Variants in PRDM14 observed in about 807,000 individuals in gnomAD.
The protein encoded by PRDM14 is PR/SET domain 14, also known as PR domain zinc finger protein 14.
A neutral mutation model predicts 48.0 loss-of-function variants in PRDM14; 16 were observed. That is an observed-to-expected ratio of 0.33 (90% confidence interval 0.23 to 0.51). PRDM14 has a LOEUF of 0.51. Among genes scored for constraint, PRDM14 ranks in the 20% least tolerant of loss-of-function variants. PRDM14 has a pLI of 0.97. For synonymous variants in PRDM14, 264 were observed against 276.6 expected (o/e 0.95, Z 0.45); for missense variants, 566 against 719.6 (o/e 0.79, Z 2.44).
chr8:70,069,072 T>G (rs1461417182), intron 2 of PRDM14, 89 bp downstream of exon 2: 38 of 1,058,818 alleles, frequency 3.6e-5, no homozygotes, highest in Non-Finnish European at 5.1e-5. Flanking sequence ...CAGCCTCAGC[T>G]CCACCTGGAA....
chr8:70,056,634 A>G (rs1805476709), intron 6 of PRDM14, among the ~76,000 whole-genome samples: 1 of 151,906 alleles, frequency 6.6e-6, no homozygotes. Flanking sequence ...GGTGCGCACC[A>G]CATGCCCATC....
chr8:70,061,387 C>T (rs1195549545), intron 5 of PRDM14, among the ~76,000 whole-genome samples: 7 of 152,198 alleles, frequency 4.6e-5, no homozygotes, highest in Non-Finnish European at 1.0e-4. Flanking sequence ...AGCTGTCCAT[C>T]AGGGGCTTTG....
intron 5 of PRDM14, among the ~76,000 whole-genome samples, chr8:70,065,377 T>C (rs988686257): frequency 2.6e-5 from 4 of 152,138 alleles, no homozygotes; most frequent in African/African-American, 9.7e-5. Flanking sequence ...TAAACTTCAG[T>C]GTATATAGAA....
At chr8:70,065,169 A>G (rs1038787668) in intron 5 of PRDM14, among the ~76,000 whole-genome samples, 2 of 152,052 alleles carry the variant, frequency 1.3e-5, no homozygotes, top group Non-Finnish European at 2.9e-5. Context: ...TAGAGGCGTG[A>G]GCCACTGTGC....
chr8:70,052,751 G>A (rs1805408000), intron 7 of PRDM14, among the ~76,000 whole-genome samples: 2 of 150,644 alleles, frequency 1.3e-5, no homozygotes, highest in South Asian at 2.1e-4. Context: ...TTTAATCCCA[G>A]CTTCTCAGGA....
intron 4 of PRDM14, among the ~76,000 whole-genome samples, chr8:70,067,645 A>G (rs187140756): frequency 6.8e-4 from 104 of 152,274 alleles, no homozygotes; most frequent in African/African-American, 2.4e-3. Context: ...ACATAGCCTC[A>G]ATTTCAGATT....
In PRDM14 at chr8:70,069,542, C is replaced by A; in HGVS notation, c.319G>T (p.Val107Phe). The change falls in exon 2 of 8, where the codon GTC (valine) becomes TTC (phenylalanine). Residue 107 changes from valine (V) to phenylalanine (F), a missense_variant. Val to Phe is a conservative substitution (Grantham distance 50). Transcript: ENST00000276594. ...AGGAAGGGCGGCACTTCCCTGGGGA[C>A]GTGGGGAATTGGGTACCACGGTGGC... ...KLPPWYPIPH[V>F]PREVPPFLSS... The A allele has an allele frequency of 6.2e-7, 1 of 1,608,388 alleles. No homozygotes were observed. The highest frequency in any genetic ancestry group is 1.3e-5 in the African/African-American group (1 of 74,934).
At chr8:70,053,478 C>T (rs1805422048) in intron 7 of PRDM14, among the ~76,000 whole-genome samples, 1 of 152,238 alleles carries the variant, frequency 6.6e-6, no homozygotes. Context: ...GCAACCTCCA[C>T]CTCCCAGGTT....
At chr8:70,064,939 T>C (rs918978516) in intron 5 of PRDM14, among the ~76,000 whole-genome samples, 1 of 150,754 alleles carries the variant, frequency 6.6e-6, no homozygotes, top group Non-Finnish European at 1.5e-5. Flanking sequence ...CAGGCTGGAG[T>C]GCAGTGGTGC....
rs116118580 is a variant in PRDM14 at position 70,058,044 on chromosome 8, T to C, written c.1386+596A>G. On this transcript the variant is annotated intron_variant, in intron 6 of 7. Coordinates refer to ENST00000276594, the MANE Select transcript of PRDM14 (RefSeq NM_024504.4). Reference sequence around the variant, plus strand: ...CCTTTTAATTAAGCCCAAGGGAATATTGTACTTTTTTGCAGCAAGCCTAGC... The same window carrying C: ...CCTTTTAATTAAGCCCAAGGGAATACTGTACTTTTTTGCAGCAAGCCTAGC... 7.7e-3 allele frequency among the ~76,000 whole-genome samples: 1,175 copies of C among 152,266 alleles called. 19 individuals are homozygous for C. The highest frequency in any genetic ancestry group is 0.027 in the African/African-American group (1,135 of 41,548).
intron 5 of PRDM14, among the ~76,000 whole-genome samples, chr8:70,060,141 C>T (rs1004768987): frequency 1.3e-5 from 2 of 151,326 alleles, no homozygotes; most frequent in African/African-American, 4.9e-5. Context: ...TGGCTCACGC[C>T]TATAATCCCA....
At chr8:70,053,464 C>T (rs1055235778) in intron 7 of PRDM14, among the ~76,000 whole-genome samples, 3 of 152,132 alleles carry the variant, frequency 2.0e-5, no homozygotes, top group Non-Finnish European at 1.5e-5. Flanking sequence ...AATCTTGGCT[C>T]ACTGCAACCT....
Position 70,069,263 on chromosome 8 carries a change from C to G in PRDM14, c.598G>C (p.Glu200Gln). ...CCGTACAGAACGAAGTGCAGGTCCT[C>G]CTCCGTGAACTGGAACCGAGCAGGG... ...KSPARFQFTE[E>Q]DLHFVLYGVT... is the part of the protein sequence containing the mutation. The change falls in exon 2 of 8, where the codon GAG (glutamate) becomes CAG (glutamine). Residue 200 changes from glutamate (E) to glutamine (Q), a missense_variant. Glu to Gln is a conservative substitution (Grantham distance 29). This residue lies in a region of PRDM14 where 410 missense variants were observed against 424.6 expected (regional missense o/e 0.97). Transcript: ENST00000276594. 1 of 1,609,794 alleles carries G rather than the reference C, an allele frequency of 6.2e-7. No homozygotes were observed. The highest frequency in any genetic ancestry group is 8.5e-7 in the Non-Finnish European group (1 of 1,177,806).
intron 4 of PRDM14, among the ~76,000 whole-genome samples, chr8:70,067,534 A>AAAC (rs1805690523): frequency 6.8e-6 from 1 of 146,194 alleles, no homozygotes; most frequent in African/African-American, 2.8e-5. Context: ...AAAAAAACAA[A>AAAC]AAAAAAAAAA....
chr8:70,069,897 G>A lies in PRDM14; in HGVS notation c.-24-13C>T, dbSNP rs1389122033. The A allele has an allele frequency of 1.3e-6, 2 of 1,499,222 alleles. No individual in the cohort carries two copies. The highest frequency in any genetic ancestry group is 1.8e-6 in the Non-Finnish European group (2 of 1,115,770). 92.9% of individuals were successfully genotyped at this position (1,499,222 alleles called of 1,614,324 possible). ...ACGCTCGGCGGCTCTGCAGAAAAGC[G>A]GGCGCCGCTGAGGACACCGCGCGGG... is the stretch of plus-strand genomic sequence containing the variant. On this transcript the variant is annotated splice_polypyrimidine_tract_variant and intron_variant, in intron 1 of 7. Transcript: ENST00000276594.
At chr8:70,070,525 C>T (rs1355733828) in intron 1 of PRDM14, among the ~76,000 whole-genome samples, 1 of 152,202 alleles carries the variant, frequency 6.6e-6, no homozygotes. Context: ...CCCCGCGGGT[C>T]CTGGCGGTCC....
At chr8:70,057,294 ATCT>A (rs139692506) in intron 6 of PRDM14, among the ~76,000 whole-genome samples, 24,535 of 145,572 alleles carry the variant, frequency 0.17, 2,106 homozygotes, top group Middle Eastern at 0.24. Context: ...CATTCTATAC[ATCT>A]TCTGTAATTT....
chr8:70,061,921 C>G (rs1484597915), intron 5 of PRDM14, among the ~76,000 whole-genome samples: 3 of 152,150 alleles, frequency 2.0e-5, no homozygotes, highest in African/African-American at 7.2e-5. Flanking sequence ...AGTCTAGACC[C>G]TTCCCTCACC....
chr8:70,064,559 C>T lies in PRDM14; in HGVS notation c.1183+1676G>A, dbSNP rs184712761. ...TTTTTTTTTGAAACGGAATCTCGCTCTGTCGCCCAGGCTGGTGTGCAGTGG... is the reference window on the plus strand; with the variant it reads ...TTTTTTTTTGAAACGGAATCTCGCTTTGTCGCCCAGGCTGGTGTGCAGTGG... On this transcript the variant is annotated intron_variant, in intron 5 of 7. Transcript: ENST00000276594. Among the ~76,000 whole-genome samples, 34 of 147,574 alleles carry T rather than the reference C, an allele frequency of 2.3e-4. 1 individual carries two copies. In the East Asian group the frequency reaches 5.9e-3, roughly 26 times the overall value.
Sources: gnomAD v4.1 joint callset for allele counts (sites outside exome capture counted in the v4.1 genomes callset) on GRCh38, gnomAD v4.1.1 for gene constraint, gnomAD v4.1.1 regional missense constraint, MANE v1.5 for transcripts, NCBI Gene and HGNC (gene_info 2026-07-23, HGNC 2026-07-21) for gene names.